NCAPH2: variants seen among roughly 807,000 people sequenced by gnomAD.
The protein encoded by NCAPH2 is condensin-2 complex subunit H2.
A neutral mutation model predicts 88.6 loss-of-function variants in NCAPH2; 56 were observed. The observed-to-expected ratio is 0.63, with a 90% confidence interval of 0.51 to 0.79. NCAPH2 has a LOEUF of 0.79. Ranked by LOEUF, NCAPH2 falls within the 30% of genes least tolerant of loss-of-function variation. NCAPH2 has a pLI of 0.00. For synonymous variants in NCAPH2, 378 were observed against 313.6 expected, an observed-to-expected ratio of 1.21 and a Z score of -2.17; for missense variants, 794 against 792.0, an observed-to-expected ratio of 1.00 and a Z score of -0.03.
chr22:50,519,614 A>G (rs1390592912), intron 9 of NCAPH2: 2 of 1,226,608 alleles, frequency 1.6e-6, no homozygotes, highest in Admixed American at 4.0e-5. Flanking sequence ...CCGGTTGCCA[A>G]GGCGCCTCTC....
rs760350052 is a variant in NCAPH2 at position 50,524,621 on chromosome 22, C to T, written c.*1246C>T. 8.4e-6 allele frequency: 6 copies of T among 710,692 alleles called. No homozygotes were observed. Among genetic ancestry groups the T allele is most frequent in the Non-Finnish European group, 1.3e-5 (5 of 381,638 alleles). The allele number at this position is 710,692 out of a possible 1,614,324, so 44.0% of individuals were successfully genotyped here. ...CACACCTGGGCAACCACACCTGTCA[C>T]TCCTGTCCTCTACCTGGGATCACCA... On this transcript the variant is annotated 3_prime_UTR_variant, in exon 20 of 20. Coordinates refer to ENST00000420993, the MANE Select transcript of NCAPH2 (RefSeq NM_152299.4).
chr22:50,524,626 G>GTCCT lies in NCAPH2; in HGVS notation c.*1252_*1255dup. The GTCCT allele has an allele frequency of 2.8e-6, 2 of 709,566 alleles. No homozygotes were observed. The highest frequency in any genetic ancestry group is 5.3e-6 in the Non-Finnish European group (2 of 380,878). The allele number at this position is 709,566 out of a possible 1,614,324, so 44.0% of individuals were successfully genotyped here. On this transcript the variant is annotated 3_prime_UTR_variant, in exon 20 of 20. Transcript: ENST00000420993. The stretch of plus-strand genomic sequence containing the variant: ...CTGGGCAACCACACCTGTCACTCCT[G>GTCCT]TCCTCTACCTGGGATCACCAGCCTG...
chr22:50,518,515 C>T (rs568589475), intron 7 of NCAPH2, 134 bp from the exon 8 acceptor site: 12 of 1,056,468 alleles, frequency 1.1e-5, no homozygotes, highest in Middle Eastern at 3.1e-4. Flanking sequence ...CCTGCTGTCT[C>T]CCCCCAGCCC....
At chr22:50,519,644 G>T in intron 9 of NCAPH2, 1 of 1,176,656 alleles carries the variant, frequency 8.5e-7, no homozygotes, top group Non-Finnish European at 1.1e-6. Flanking sequence ...GCTGGTAGGA[G>T]GGAGTGTCTG....
intron 8 of NCAPH2, among the ~76,000 whole-genome samples, chr22:50,518,950 C>G (rs1330381703): frequency 6.6e-6 from 1 of 152,202 alleles, no homozygotes; most frequent in African/African-American, 2.4e-5. Flanking sequence ...GACTGCCCTC[C>G]TGGGTCTCCT....
At chr22:50,513,817 G>C (rs192389931) in intron 1 of NCAPH2, among the ~76,000 whole-genome samples, 3 of 152,162 alleles carry the variant, frequency 2.0e-5, no homozygotes, top group Non-Finnish European at 4.4e-5. Flanking sequence ...AAACTTATAA[G>C]GGATTTGAAA....
chr22:50,511,583 G>A (rs1392446974), intron 1 of NCAPH2, among the ~76,000 whole-genome samples: 4 of 140,172 alleles, frequency 2.9e-5, no homozygotes, highest in Admixed American at 1.4e-4. Flanking sequence ...GAGCCACCGC[G>A]TCCGATCCTG....
chr22:50,518,040 A>T lies in NCAPH2; in HGVS notation c.488A>T (p.Asn163Ile). ...VAPDEMEKNN[N>I]PLYSRQGEVL... is the part of the protein sequence containing the mutation. ...CCTGATGAAATGGAGAAGAACAACA[A>T]TCCCCTGTACAGGTAGGGATCTGAG... The change falls in exon 6 of 20, where the codon AAT (asparagine) becomes ATT (isoleucine). Residue 163 changes from asparagine (N) to isoleucine (I), a missense_variant. Physicochemically the swap from Asn to Ile is moderately radical, Grantham distance 149. Transcript: ENST00000420993. 1 of 1,613,994 alleles carries T rather than the reference A, an allele frequency of 6.2e-7. No individual in the cohort carries two copies. Among genetic ancestry groups the T allele is most frequent in the Non-Finnish European group, 8.5e-7 (1 of 1,179,962 alleles).
rs777154604 is a variant in NCAPH2, at chr22:50,523,795, C to T, written c.*420C>T. ...CTTGGGGCCTGCATTGTAGTACACG[C>T]GGTAACTGTGACTAGCCTGGGCAAC... On this transcript the variant is annotated 3_prime_UTR_variant, in exon 20 of 20. Transcript: ENST00000420993. 2.4e-5 allele frequency: 38 copies of T among 1,614,012 alleles called. No individual in the cohort carries two copies. Among genetic ancestry groups the T allele is most frequent in the Middle Eastern group, 1.6e-4 (1 of 6,084 alleles).
intron 9 of NCAPH2, chr22:50,519,817 A>G: frequency 2.2e-6 from 2 of 910,282 alleles, no homozygotes; most frequent in Non-Finnish European, 1.3e-6. Flanking sequence ...TATTTGTCAT[A>G]TTCTATTCAT....
intron 8 of NCAPH2, 144 bp downstream of exon 8, chr22:50,518,876 C>A: frequency 1.1e-6 from 1 of 881,504 alleles, no homozygotes; most frequent in Non-Finnish European, 1.7e-6. Context: ...TGAGGCCTCG[C>A]CCCGGGGAAG....
At position 50,523,233 on chromosome 22, in the gene NCAPH2, A is replaced by AGGCCAAT; in HGVS notation, c.1678_1684dup. 3.1e-6 allele frequency: 5 copies of AGGCCAAT among 1,613,274 alleles called. No homozygotes were observed. The highest frequency in any genetic ancestry group is 4.2e-6 in the Non-Finnish European group (5 of 1,179,788). ...GACCCTGCTGATGTGCCACCCCTGC[A>AGGCCAAT]GGCCAATGACTACACAGTGGAGATA... On this transcript the variant is annotated splice_acceptor_variant, in intron 19 of 19. Coordinates refer to ENST00000420993, the MANE Select transcript of NCAPH2 (RefSeq NM_152299.4). LOFTEE classifies it high-confidence loss of function.
chr22:50,512,612 G>A (rs1312829517), intron 1 of NCAPH2, among the ~76,000 whole-genome samples: 2 of 146,970 alleles, frequency 1.4e-5, no homozygotes, highest in Non-Finnish European at 3.0e-5. Context: ...GTGCAGTGGT[G>A]CAATCATGGC....
rs749210567 is a variant in NCAPH2, at chr22:50,523,371, C to T, written c.1814C>T (p.Pro605Leu). 3.2e-6 allele frequency: 5 copies of T among 1,545,958 alleles called. No homozygotes were observed. In the South Asian group the frequency reaches 3.6e-5, roughly 11 times the overall value. Residue 605 changes from proline to leucine, a missense_variant, in exon 20 of 20, where the codon CCC (proline) becomes CTC (leucine). Physicochemically the swap from Pro to Leu is moderately conservative, Grantham distance 98 (BLOSUM62 -3). Around this residue, in one of 2 missense-constraint regions of NCAPH2, gnomAD observed 735 missense variants for 696.3 expected, o/e 1.06. Coordinates refer to ENST00000420993, the MANE Select transcript of NCAPH2 (RefSeq NM_152299.4). ...TACGCTGCCCCCTCCATGGCCCAGC[C>T]CTGAGTGGGGAGCACCGAGGCAGGG... Reference protein sequence around the residue: ...QTYAAPSMAQP With the variant: ...QTYAAPSMAQL
chr22:50,518,408 T>C (rs2068989981), intron 7 of NCAPH2, 130 bp downstream of exon 7: 1 of 1,353,952 alleles, frequency 7.4e-7, no homozygotes. Flanking sequence ...TGCTCTAGTC[T>C]AGACAGGTTG....
chr22:50,513,074 TG>T (rs2148657782), intron 1 of NCAPH2, among the ~76,000 whole-genome samples: 1 of 152,370 alleles, frequency 6.6e-6, no homozygotes, highest in East Asian at 1.9e-4. Flanking sequence ...TGTTTACTTG[TG>T]TTAAGCACCT....
At position 50,524,570 on chromosome 22, in the gene NCAPH2, T is replaced by G; in HGVS notation, c.*1195T>G. 1.3e-6 allele frequency: 1 copy of G among 762,488 alleles called. No homozygotes were observed. The highest frequency in any genetic ancestry group is 2.3e-6 in the Non-Finnish European group (1 of 427,382). 47.2% of individuals were successfully genotyped at this position (762,488 alleles called of 1,614,324 possible). A position where few individuals can be genotyped will look rare whatever the true frequency, so the allele number is the denominator to read the frequency against. The stretch of plus-strand genomic sequence containing the variant: ...GGCATTTGCAGCTGCTCACCTGAGC[T>G]CAGAACTCCACCTCCACCAAACATC... On this transcript the variant is annotated 3_prime_UTR_variant, in exon 20 of 20. Coordinates refer to ENST00000420993, the MANE Select transcript of NCAPH2 (RefSeq NM_152299.4).
chr22:50,521,117 C>A (rs2069076552), intron 10 of NCAPH2, 81 bp downstream of exon 10: 2 of 1,474,762 alleles, frequency 1.4e-6, no homozygotes, highest in Non-Finnish European at 1.8e-6. Context: ...CATGCTCTTG[C>A]TCCTGCTGGC....
intron 2 of NCAPH2, among the ~76,000 whole-genome samples, chr22:50,517,134 A>C (rs139391628): frequency 1.3e-5 from 2 of 152,318 alleles, no homozygotes; most frequent in East Asian, 1.9e-4. Context: ...GTGATGAGGC[A>C]CACTGTGGGA....
Sources: gnomAD v4.1 joint callset for allele counts (sites outside exome capture counted in the v4.1 genomes callset) on GRCh38, gnomAD v4.1.1 for gene constraint, gnomAD v4.1.1 regional missense constraint, MANE v1.5 for transcripts, NCBI Gene and HGNC (gene_info 2026-07-23, HGNC 2026-07-21) for gene names.